Variants in ELMO1 observed in about 807,000 individuals in gnomAD.
ELMO1 encodes engulfment and cell motility protein 1.
A neutral mutation model predicts 98.9 loss-of-function variants in ELMO1; 26 were observed. That is an observed-to-expected ratio of 0.26 (90% CI 0.19 to 0.36). ELMO1 has a LOEUF of 0.36. ELMO1 is among the 10% of genes least tolerant of loss of function. ELMO1 has a pLI of 1.00. For missense variants in ELMO1, 627 were observed against 935.2 expected (o/e 0.67, Z 4.30); for synonymous variants, 346 against 346.0 (o/e 1.00, Z 0.00).
intron 16 of ELMO1, among the ~76,000 whole-genome samples, chr7:36,955,311 T>C (rs1404543791): frequency 6.6e-6 from 1 of 152,120 alleles, no homozygotes; most frequent in Non-Finnish European, 1.5e-5. Context: ...CCCTATCTCA[T>C]CTCCCTTCAT....
chr7:37,232,712 A>G (rs1794245232), intron 8 of ELMO1, among the ~76,000 whole-genome samples: 1 of 152,180 alleles, frequency 6.6e-6, no homozygotes, highest in Admixed American at 6.5e-5. Context: ...TCATCAGTAT[A>G]CTTTGCCTCT....
chr7:37,104,010 CAAAAAAAAAAAA>C (rs35979251), intron 14 of ELMO1, among the ~76,000 whole-genome samples: 43 of 29,016 alleles, frequency 1.5e-3, no homozygotes, highest in Middle Eastern at 0.036. Context: ...GACTCCATCT[CAAAAAAAAAAAA>C]AAAAAAAAAA....
At chr7:36,864,845 G>A (rs971354210) in intron 20 of ELMO1, among the ~76,000 whole-genome samples, 4 of 152,300 alleles carry the variant, frequency 2.6e-5, no homozygotes, top group Admixed American at 2.6e-4. Flanking sequence ...TCTAGAAGCA[G>A]CTTCTCTCCA....
intron 14 of ELMO1, among the ~76,000 whole-genome samples, chr7:37,117,469 G>A (rs1785679963): frequency 6.6e-6 from 1 of 152,128 alleles, no homozygotes; most frequent in Non-Finnish European, 1.5e-5. Flanking sequence ...GGGGTCTTCT[G>A]AGATAAAACC....
intron 15 of ELMO1, among the ~76,000 whole-genome samples, chr7:37,042,121 G>GAAA (rs200188901): frequency 6.2e-5 from 6 of 97,232 alleles, no homozygotes; most frequent in African/African-American, 2.3e-4. Context: ...CCGTCTCTAC[G>GAAA]AAAAAAAAAA....
At chr7:36,970,151 AACAC>A (rs943888779) in intron 16 of ELMO1, among the ~76,000 whole-genome samples, 2 of 136,670 alleles carry the variant, frequency 1.5e-5, no homozygotes, top group African/African-American at 5.9e-5. Context: ...CACACACACA[AACAC>A]ACACACAAAT....
intron 13 of ELMO1, among the ~76,000 whole-genome samples, chr7:37,170,241 A>C (rs1037011601): frequency 6.6e-6 from 1 of 152,144 alleles, no homozygotes; most frequent in Non-Finnish European, 1.5e-5. Context: ...TCCAATTCTA[A>C]ATTTGGGTAG....
intron 9 of ELMO1, among the ~76,000 whole-genome samples, chr7:37,222,978 G>T (rs530553151): frequency 6.6e-6 from 1 of 152,274 alleles, no homozygotes; most frequent in South Asian, 2.1e-4. Flanking sequence ...TAAACCTAGG[G>T]GATGTTGTAA....
intron 14 of ELMO1, among the ~76,000 whole-genome samples, chr7:37,119,531 C>T (rs1785853338): frequency 6.6e-6 from 1 of 152,090 alleles, no homozygotes; most frequent in African/African-American, 2.4e-5. Flanking sequence ...ATATGCATTG[C>T]ATCATGAGGA....
intron 16 of ELMO1, among the ~76,000 whole-genome samples, chr7:36,898,804 G>A (rs879794957): frequency 2.6e-5 from 4 of 152,284 alleles, no homozygotes; most frequent in South Asian, 4.1e-4. Context: ...GGAATGACGC[G>A]ACACTGGAGG....
intron 15 of ELMO1, among the ~76,000 whole-genome samples, chr7:37,072,750 CTCT>C (rs1797347966): frequency 6.6e-6 from 1 of 152,140 alleles, no homozygotes; most frequent in Non-Finnish European, 1.5e-5. Context: ...CCACTGGTTT[CTCT>C]TCTTCATAAA....
At chr7:37,198,047 C>G (rs1320771754) in intron 13 of ELMO1, among the ~76,000 whole-genome samples, 1 of 152,194 alleles carries the variant, frequency 6.6e-6, no homozygotes, top group Non-Finnish European at 1.5e-5. Context: ...AAAATCTGCA[C>G]AAGAGCAGGC....
intron 4 of ELMO1, among the ~76,000 whole-genome samples, chr7:37,307,270 C>T (rs1371109114): frequency 2.0e-5 from 3 of 152,132 alleles, no homozygotes; most frequent in East Asian, 1.9e-4. Context: ...TCCCACGTGC[C>T]GATGGGAGGT....
chr7:36,890,194 C>T (rs1805431972), intron 17 of ELMO1, among the ~76,000 whole-genome samples: 1 of 152,114 alleles, frequency 6.6e-6, no homozygotes. Flanking sequence ...AAGGTCTTGC[C>T]AATAAATAAA....
intron 4 of ELMO1, among the ~76,000 whole-genome samples, chr7:37,303,627 A>T (rs960324185): frequency 1.3e-5 from 2 of 152,148 alleles, no homozygotes; most frequent in African/African-American, 4.8e-5. Flanking sequence ...GTTTGGAAAA[A>T]GTGTTCTGGT....
chr7:37,220,654 C>T (rs1793540092), intron 10 of ELMO1, among the ~76,000 whole-genome samples: 1 of 152,140 alleles, frequency 6.6e-6, no homozygotes, highest in Non-Finnish European at 1.5e-5. Flanking sequence ...CCCTATTTGT[C>T]CATGGTCATG....
At chr7:37,446,989 A>G (rs1805642933) in intron 1 of ELMO1, among the ~76,000 whole-genome samples, 1 of 152,186 alleles carries the variant, frequency 6.6e-6, no homozygotes, top group African/African-American at 2.4e-5. Context: ...CTGGCCTCCT[A>G]ACTTACCATT....
intron 16 of ELMO1, among the ~76,000 whole-genome samples, chr7:36,897,910 G>A (rs1806168872): frequency 1.3e-5 from 2 of 152,206 alleles, no homozygotes; most frequent in South Asian, 4.1e-4. Flanking sequence ...GCAGGCACCT[G>A]GCCCCAGAGG....
At chr7:37,380,461 G>A (rs1802536708) in intron 1 of ELMO1, among the ~76,000 whole-genome samples, 1 of 152,212 alleles carries the variant, frequency 6.6e-6, no homozygotes, top group Admixed American at 6.5e-5. Flanking sequence ...CCTGGGATAG[G>A]ATGACCATAT....
Sources: gnomAD v4.1 joint callset for allele counts (sites outside exome capture counted in the v4.1 genomes callset) on GRCh38, gnomAD v4.1.1 for gene constraint, MANE v1.5 for transcripts, NCBI Gene and HGNC (gene_info 2026-07-23, HGNC 2026-07-21) for gene names.